SLC4A11: variants seen among roughly 807,000 people sequenced by gnomAD.
SLC4A11 encodes solute carrier family 4 member 11.
A neutral mutation model predicts 95.0 loss-of-function variants in SLC4A11; 74 were observed. The observed-to-expected ratio is 0.78, with a 90% confidence interval of 0.65 to 0.95. The LOEUF is 0.95. Ranked by LOEUF, SLC4A11 falls within the 40% of genes least tolerant of loss-of-function variation. SLC4A11 has a pLI of 0.00. For missense variants in SLC4A11, 1,081 were observed against 1,192.4 expected, an observed-to-expected ratio of 0.91 and a Z score of 1.38; for synonymous variants, 548 against 519.0, an observed-to-expected ratio of 1.06 and a Z score of -0.76.
chr20:3,228,661 C>G lies in SLC4A11; in HGVS notation c.2239G>C (p.Val747Leu). The G allele has an allele frequency of 1.2e-6, 2 of 1,612,978 alleles. No individual in the cohort carries two copies. Among genetic ancestry groups the G allele is most frequent in the Non-Finnish European group, 1.7e-6 (2 of 1,179,932 alleles). Reference sequence around the variant, plus strand: ...AGCAACAGGGACAGGCCCACCAGGACGCTGGCGCCCAGCGAGGTCAGCCGC... The same window carrying G: ...AGCAACAGGGACAGGCCCACCAGGAGGCTGGCGCCCAGCGAGGTCAGCCGC... ...ETRLTSLGAS[V>L]LVGLSLLLLP... The change falls in exon 18 of 20, where the codon GTC (valine) becomes CTC (leucine). Residue 747 changes from valine (V) to leucine (L), a missense_variant. By Grantham distance (32) the Val-to-Leu change is conservative. Transcript: ENST00000642402.
At chr20:3,239,068 G>A (rs1282667525) in intron 1 of SLC4A11, 27 bp downstream of exon 1, 1 of 1,471,114 alleles carries the variant, frequency 6.8e-7, no homozygotes, top group Non-Finnish European at 9.0e-7. Context: ...CGGCCTTCCC[G>A]CCGCGCCCCC....
At position 3,229,104 on chromosome 20, in the gene SLC4A11, G is replaced by A. The variant is rs781382290; in HGVS notation, c.2009C>T (p.Pro670Leu). The stretch of plus-strand genomic sequence containing the variant: ...CACCCACCCTCCACACCTGTTCTCC[G>A]GTGCATTCACCAAGGCGGCCACCAA... Reference protein sequence around the residue: ...QNLVAALVNAPENRLVKGTAY... With the variant: ...QNLVAALVNALENRLVKGTAY... Residue 670 changes from proline to leucine, a missense_variant, in exon 16 of 20, where the codon CCG becomes CTG. Around this residue, in one of 3 missense-constraint regions of SLC4A11, gnomAD observed 767 missense variants for 858.0 expected, o/e 0.89. Coordinates refer to ENST00000642402, the MANE Select transcript of SLC4A11 (RefSeq NM_001174089.2). 20 of 1,435,386 alleles carry A rather than the reference G, an allele frequency of 1.4e-5. No homozygotes were observed. Among genetic ancestry groups the A allele is most frequent in the Non-Finnish European group, 1.8e-5 (19 of 1,081,150 alleles). The allele number at this position is 1,435,386 out of a possible 1,614,324, so 88.9% of individuals were successfully genotyped here. A position where few individuals can be genotyped will look rare whatever the true frequency, so the allele number is the denominator to read the frequency against.
chr20:3,229,987 C>T (rs2067698506), intron 13 of SLC4A11, among the ~76,000 whole-genome samples, 200 bp downstream of exon 13: 7 of 152,158 alleles, frequency 4.6e-5, no homozygotes. Context: ...CACGGCTGGT[C>T]CCACCTGGGG....
At chr20:3,239,196 C>G, upstream of SLC4A11, 1 of 1,365,900 alleles carries the variant, frequency 7.3e-7, no homozygotes, top group Non-Finnish European at 9.4e-7. Flanking sequence ...CTTCTGGACC[C>G]CAAACTCGGC....
intron 2 of SLC4A11, among the ~76,000 whole-genome samples, chr20:3,236,581 T>TCAAAACAAAA (rs59236399): frequency 6.7e-6 from 1 of 150,260 alleles, no homozygotes; most frequent in East Asian, 2.0e-4. Context: ...AGAGCGAGAC[T>TCAAAACAAAA]CAAAACAAAA....
intron 19 of SLC4A11, 78 bp downstream of exon 19, chr20:3,228,181 C>G: frequency 3.3e-6 from 5 of 1,503,066 alleles, no homozygotes; most frequent in Non-Finnish European, 4.5e-6. Flanking sequence ...GGGACCCCTC[C>G]TCCCAGCCGC....
Position 3,228,334 on chromosome 20 carries a change from C to G in SLC4A11, c.2483G>C (p.Cys828Ser), listed in dbSNP as rs2067611982. ...GLQVLQLLLL[C>S]AFGMSSLPYM... Reference sequence around the variant, plus strand: ...GGGCAGGGAGCTCATGCCGAAGGCACACAGCAGCAGCAGCTGAAGCACCTG... The same window carrying G: ...GGGCAGGGAGCTCATGCCGAAGGCAGACAGCAGCAGCAGCTGAAGCACCTG... Residue 828 changes from cysteine (C) to serine (S), a missense_variant, in exon 19 of 20, where the codon TGT becomes TCT. Around this residue, in one of 3 missense-constraint regions of SLC4A11, gnomAD observed 767 missense variants for 858.0 expected, o/e 0.89. Coordinates refer to ENST00000642402, the MANE Select transcript of SLC4A11 (RefSeq NM_001174089.2). 6.2e-7 allele frequency: 1 copy of G among 1,613,230 alleles called. No individual in the cohort carries two copies. Among genetic ancestry groups the G allele is most frequent in the East Asian group, 2.2e-5 (1 of 44,866 alleles).
chr20:3,227,759 C>A lies in SLC4A11; in HGVS notation c.*28G>T, dbSNP rs764792724. 1 of 1,610,956 alleles carries A rather than the reference C, an allele frequency of 6.2e-7. No homozygotes were observed. The highest frequency in any genetic ancestry group is 8.5e-7 in the Non-Finnish European group (1 of 1,179,170). On this transcript the variant is annotated 3_prime_UTR_variant, in exon 20 of 20. Transcript: ENST00000642402. ...AGCCTGGGAGGACGTGGAGGGCTGG[C>A]GAATGGGGCGTGGGCAGGGTCTGCC... is the stretch of plus-strand genomic sequence containing the variant.
At chr20:3,235,278 A>ATG (rs2067933127) in intron 2 of SLC4A11, among the ~76,000 whole-genome samples, 1 of 137,480 alleles carries the variant, frequency 7.3e-6, no homozygotes, top group African/African-American at 2.8e-5. Flanking sequence ...TGCAGTATCC[A>ATG]CGTCTCTCTC....
chr20:3,233,472 G>A (rs539606596), intron 7 of SLC4A11, 42 bp downstream of exon 7: 31 of 1,610,928 alleles, frequency 1.9e-5, no homozygotes, highest in East Asian at 1.8e-4. Flanking sequence ...CGGGTAACCC[G>A]GGGCCCTCCT....
chr20:3,237,474 G>T (rs1320543419), intron 2 of SLC4A11, 70 bp downstream of exon 2: 2 of 1,487,416 alleles, frequency 1.3e-6, no homozygotes, highest in African/African-American at 1.4e-5. Context: ...TGGTGGGTAG[G>T]CTATGCACCC....
In SLC4A11 at chr20:3,231,762, C is replaced by T. The variant is rs1377540997; in HGVS notation, c.730-214G>A. Among the ~76,000 whole-genome samples, 4 of 152,192 alleles carry T rather than the reference C, an allele frequency of 2.6e-5. No individual in the cohort carries two copies. The highest frequency in any genetic ancestry group is 5.9e-5 in the Non-Finnish European group (4 of 68,040). On this transcript the variant is annotated intron_variant, in intron 7 of 19. Coordinates refer to ENST00000642402, the MANE Select transcript of SLC4A11 (RefSeq NM_001174089.2). This position sits in a 1 kb window ranked among gnomAD's most constrained non-coding sequence, Gnocchi z 5.2. ...CGACCTCCCGGGCTCAAGTGATTCT[C>T]CCACATCAGTCCCCTGAGTAGCTGG...
chr20:3,228,989 G>A lies in SLC4A11; in HGVS notation c.2041C>T (p.His681Tyr), dbSNP rs776939754. The A allele has an allele frequency of 2.5e-6, 4 of 1,613,598 alleles. No homozygotes were observed. Among genetic ancestry groups the A allele is most frequent in the Non-Finnish European group, 2.5e-6 (3 of 1,180,010 alleles). Residue 681 changes from histidine to tyrosine, a missense_variant, in exon 17 of 20, where the codon CAC (histidine) becomes TAC (tyrosine). His to Tyr is a moderately conservative substitution (Grantham distance 83). Coordinates refer to ENST00000642402, the MANE Select transcript of SLC4A11 (RefSeq NM_001174089.2). ...ENRLVKGTAYHWDLLLLAIIN... is the reference protein window; with the variant it reads ...ENRLVKGTAYYWDLLLLAIIN... ...ATGGCGAGGAGCAGGAGGTCCCAGT[G>A]GTAGGCAGTGCCCTTCACCAGCCTG...
intron 12 of SLC4A11, 104 bp downstream of exon 12, chr20:3,230,411 G>A: frequency 6.3e-7 from 1 of 1,590,728 alleles, no homozygotes; most frequent in East Asian, 2.2e-5. Context: ...CAGCCCCTTG[G>A]GGCAGCAATA....
chr20:3,231,156 G>T lies in SLC4A11; in HGVS notation c.1035C>A (p.Phe345Leu). 6.2e-7 allele frequency: 1 copy of T among 1,614,188 alleles called. No individual in the cohort carries two copies. The highest frequency in any genetic ancestry group is 8.5e-7 in the Non-Finnish European group (1 of 1,180,038). Residue 345 changes from phenylalanine (F) to leucine (L), a missense_variant, in exon 9 of 20, where the codon TTC (phenylalanine) becomes TTA (leucine). Coordinates refer to ENST00000642402, the MANE Select transcript of SLC4A11 (RefSeq NM_001174089.2). The surrounding 1 kb of genome is among the most constrained non-coding windows in gnomAD (Gnocchi z 5.2). ...AAAGCAGAGGCCACGTACCATCAGT[G>T]AAGTCCAAGGGGTACAAGGGGAACC... ...ARRFPLYPLD[F>L]TDGIIGKNKA... is the part of the protein sequence containing the mutation.
At position 3,231,947 on chromosome 20, in the gene SLC4A11, T is replaced by C. The variant is rs1364966442; in HGVS notation, c.730-399A>G. 6.6e-5 allele frequency among the ~76,000 whole-genome samples: 10 copies of C among 152,344 alleles called. No homozygotes were observed. The East Asian group carries it at 1.7e-3, about 26-fold the overall frequency. On this transcript the variant is annotated intron_variant, in intron 7 of 19. Coordinates refer to ENST00000642402, the MANE Select transcript of SLC4A11 (RefSeq NM_001174089.2). This position sits in a 1 kb window ranked among gnomAD's most constrained non-coding sequence, Gnocchi z 5.2. ...TGCTGGGATTACAGGCACGAGCCACTGTGCCCAGATGCTGGTAGCAGGTTT... is the reference window on the plus strand; with the variant it reads ...TGCTGGGATTACAGGCACGAGCCACCGTGCCCAGATGCTGGTAGCAGGTTT...
At chr20:3,238,916 C>T (rs2068072446) in intron 1 of SLC4A11, 179 bp downstream of exon 1, 5 of 1,258,634 alleles carry the variant, frequency 4.0e-6, no homozygotes, top group Admixed American at 4.4e-5. Context: ...CGAAGCCGCG[C>T]CCGGGCCTCC....
In SLC4A11 at chr20:3,233,885, C is replaced by T. The variant is rs376271654; in HGVS notation, c.605+36G>A. 1.0e-4 allele frequency: 167 copies of T among 1,607,546 alleles called. 3 individuals are homozygous for T. In the South Asian group the frequency reaches 1.4e-3, roughly 13 times the overall value. ...GGACATGGGACACCCAGTTCCACTG[C>T]GACAAGAAGGGGGGCCAAGTGGCCT... On this transcript the variant is annotated intron_variant, in intron 6 of 19. Coordinates refer to ENST00000642402, the MANE Select transcript of SLC4A11 (RefSeq NM_001174089.2).
intron 1 of SLC4A11, chr20:3,238,228 T>G: frequency 7.5e-7 from 1 of 1,338,842 alleles, no homozygotes. Context: ...GAGGGACACA[T>G]GGGTCGGGGG....
Sources: gnomAD v4.1 joint callset for allele counts (sites outside exome capture counted in the v4.1 genomes callset) on GRCh38, gnomAD v4.1.1 for gene constraint, gnomAD v4.1.1 regional missense constraint, Gnocchi (gnomAD v3.1) non-coding constraint, MANE v1.5 for transcripts, NCBI Gene and HGNC (gene_info 2026-07-23, HGNC 2026-07-21) for gene names.